Variants in ELMO1 observed in about 807,000 individuals in gnomAD.
ELMO1 encodes engulfment and cell motility protein 1.
ELMO1 carries 26 observed loss-of-function variants against 98.9 expected under a neutral mutation model. That is an observed-to-expected ratio of 0.26 (90% confidence interval 0.19 to 0.36). ELMO1 has a LOEUF of 0.36. ELMO1 is among the 10% of genes least tolerant of loss of function. ELMO1 has a pLI of 1.00. For synonymous variants in ELMO1, 346 were observed against 346.0 expected, an observed-to-expected ratio of 1.00 and a Z score of 0.00; for missense variants, 627 against 935.2, an observed-to-expected ratio of 0.67 and a Z score of 4.30.
intron 16 of ELMO1, among the ~76,000 whole-genome samples, chr7:36,896,683 T>TG (rs113085890): frequency 0.011 from 33 of 2,976 alleles, no homozygotes; most frequent in Admixed American, 0.019. Context: ...TTTGTTTGTT[T>TG]TTTTTTTTTA....
chr7:36,958,449 C>G (rs1788647780), intron 16 of ELMO1, among the ~76,000 whole-genome samples: 3 of 152,178 alleles, frequency 2.0e-5, no homozygotes, highest in Non-Finnish European at 4.4e-5. Context: ...ATTCACAAAC[C>G]TCCAGAGTCC....
At chr7:37,206,987 G>A (rs368118621) in intron 13 of ELMO1, among the ~76,000 whole-genome samples, 5 of 152,030 alleles carry the variant, frequency 3.3e-5, no homozygotes, top group African/African-American at 2.4e-5. Flanking sequence ...ATGCTTGTCC[G>A]GTAGACTGAA....
Position 37,155,503 on chromosome 7 carries a change from A to AAAAAAAAT in ELMO1, c.1087-22270_1087-22269insATTTTTTT, listed in dbSNP as rs61189239. Among the ~76,000 whole-genome samples, 71 of 131,776 alleles carry AAAAAAAAT rather than the reference A, an allele frequency of 5.4e-4. 2 individuals are homozygous for AAAAAAAAT. Among genetic ancestry groups the AAAAAAAAT allele is most frequent in the East Asian group, 4.3e-3 (19 of 4,444 alleles). 86.5% of individuals were successfully genotyped at this position (131,776 alleles called of 152,430 possible). A position where few individuals can be genotyped will look rare whatever the true frequency, so the allele number is the denominator to read the frequency against. ...AACGGAAAGCAAAAAAAAAAAAAAA[A>AAAAAAAAT]AAAAAGCAGGTGTTGCAATCCTGGT... On this transcript the variant is annotated intron_variant, in intron 13 of 21. Transcript: ENST00000310758.
chr7:37,445,074 G>A (rs752161687), intron 1 of ELMO1, among the ~76,000 whole-genome samples: 2 of 152,056 alleles, frequency 1.3e-5, no homozygotes, highest in Non-Finnish European at 2.9e-5. Context: ...ATTAAGACTG[G>A]GTGTCTGTTT....
At chr7:36,980,413 G>A (rs1166576274) in intron 16 of ELMO1, among the ~76,000 whole-genome samples, 1 of 152,130 alleles carries the variant, frequency 6.6e-6, no homozygotes, top group Non-Finnish European at 1.5e-5. Context: ...GAAGACAGAC[G>A]GATAGATAGT....
intron 19 of ELMO1, among the ~76,000 whole-genome samples, chr7:36,871,871 T>C (rs1171136097): frequency 6.6e-6 from 1 of 152,156 alleles, no homozygotes; most frequent in African/African-American, 2.4e-5. Context: ...ACCCTAAAAT[T>C]ACTAACAACT....
intron 1 of ELMO1, among the ~76,000 whole-genome samples, chr7:37,431,805 A>G (rs552830642): frequency 5.1e-4 from 78 of 152,390 alleles, no homozygotes; most frequent in African/African-American, 1.9e-3. Context: ...TACTCAAAAC[A>G]TCACTGTGGC....
chr7:36,992,211 C>A (rs571592114), intron 16 of ELMO1, among the ~76,000 whole-genome samples: 2 of 152,220 alleles, frequency 1.3e-5, no homozygotes, highest in Non-Finnish European at 2.9e-5. Flanking sequence ...TGCATTTCTT[C>A]CTGCCTCTTC....
At position 37,280,919 on chromosome 7, in the gene ELMO1, C is replaced by T. The variant is rs570458057; in HGVS notation, c.193-9037G>A. 1.6e-3 allele frequency among the ~76,000 whole-genome samples: 235 copies of T among 150,746 alleles called. 1 individual carries two copies. Among genetic ancestry groups the T allele is most frequent in the African/African-American group, 5.6e-3 (229 of 40,936 alleles). ...TTGCACATGCACGTTTATAGCAGCA[C>T]AATTCACAATAGCAAAATCATGGAA... On this transcript the variant is annotated intron_variant, in intron 4 of 21. Transcript: ENST00000310758.
chr7:36,988,567 T>C (rs1212839219), intron 16 of ELMO1, among the ~76,000 whole-genome samples: 2 of 152,226 alleles, frequency 1.3e-5, no homozygotes. Flanking sequence ...AACAGAGCTA[T>C]GAACTCTGTG....
Position 36,878,068 on chromosome 7 carries a change from G to A in ELMO1, c.1764C>T (p.Tyr588=), listed in dbSNP as rs753310142. The change falls in exon 19 of 22, where the codon TAC becomes TAT. Residue 588 remains tyrosine, a synonymous_variant. Transcript: ENST00000310758. Reference sequence around the variant, plus strand: ...CCTGAGGACTCTCTTCTAAGTCTCCGTAATGCAGGACTTTGTGATTTGGCG... The same window carrying A: ...CCTGAGGACTCTCTTCTAAGTCTCCATAATGCAGGACTTTGTGATTTGGCG... The part of the protein sequence containing the change: ...RLSPNHKVLH[Y]GDLEESPQGE... 5.0e-6 allele frequency: 8 copies of A among 1,613,982 alleles called. No individual in the cohort carries two copies. Among genetic ancestry groups the A allele is most frequent in the East Asian group, 4.5e-5 (2 of 44,880 alleles).
chr7:37,350,291 T>A (rs1455033421), intron 1 of ELMO1, among the ~76,000 whole-genome samples: 1 of 152,248 alleles, frequency 6.6e-6, no homozygotes, highest in Non-Finnish European at 1.5e-5. Flanking sequence ...TAGCCATGTA[T>A]GCTAATCTCA....
intron 1 of ELMO1, chr7:37,375,836 G>A (rs1466217746): frequency 2.5e-5 from 19 of 766,726 alleles, no homozygotes; most frequent in South Asian, 5.7e-5. Flanking sequence ...GGCAGGCCTC[G>A]GCCTAAAGGT....
At chr7:37,401,235 T>C (rs1183153079) in intron 1 of ELMO1, among the ~76,000 whole-genome samples, 1 of 152,088 alleles carries the variant, frequency 6.6e-6, no homozygotes, top group African/African-American at 2.4e-5. Context: ...TTGAAAGTGA[T>C]GGAATAATTC....
At chr7:37,145,790 C>A (rs573475150) in intron 13 of ELMO1, among the ~76,000 whole-genome samples, 2 of 152,302 alleles carry the variant, frequency 1.3e-5, no homozygotes, top group South Asian at 4.1e-4. Flanking sequence ...GCATTAAAAG[C>A]AACCTTTAAA....
intron 15 of ELMO1, among the ~76,000 whole-genome samples, chr7:37,045,001 A>C (rs1795721700): frequency 6.6e-6 from 1 of 152,194 alleles, no homozygotes; most frequent in Non-Finnish European, 1.5e-5. Context: ...TCTGGGATGG[A>C]GGTTAATATT....
At chr7:37,089,342 T>C (rs774645177) in intron 15 of ELMO1, among the ~76,000 whole-genome samples, 63 of 152,236 alleles carry the variant, frequency 4.1e-4, no homozygotes, top group South Asian at 1.0e-3. Context: ...TGTAGGTTTC[T>C]TTCTTGCTTT....
intron 14 of ELMO1, among the ~76,000 whole-genome samples, chr7:37,112,604 C>T (rs1228446210): frequency 6.6e-6 from 1 of 152,168 alleles, no homozygotes; most frequent in Non-Finnish European, 1.5e-5. Flanking sequence ...ATTTGATAAA[C>T]CAACCAAAGA....
chr7:37,263,169 T>A (rs1796063195), intron 5 of ELMO1, among the ~76,000 whole-genome samples: 1 of 152,020 alleles, frequency 6.6e-6, no homozygotes, highest in Admixed American at 6.6e-5. Context: ...AAAGTGGGAA[T>A]CAAAGTTTTT....
Sources: gnomAD v4.1 joint callset for allele counts (sites outside exome capture counted in the v4.1 genomes callset) on GRCh38, gnomAD v4.1.1 for gene constraint, MANE v1.5 for transcripts, NCBI Gene and HGNC (gene_info 2026-07-23, HGNC 2026-07-21) for gene names.